CDH10: variants seen among roughly 807,000 people sequenced by gnomAD.
The protein encoded by CDH10 is cadherin 10.
Under a neutral mutation model 73.1 loss-of-function variants are expected in CDH10, and 30 were observed. That is an observed-to-expected ratio of 0.41 (90% CI 0.31 to 0.56). The LOEUF is 0.56. Among genes scored for constraint, CDH10 ranks in the 20% least tolerant of loss-of-function variants. The pLI is 0.27. For synonymous variants in CDH10, 345 were observed against 348.2 expected (o/e 0.99, Z 0.10); for missense variants, 815 against 973.7 (o/e 0.84, Z 2.17).
At chr5:24,531,328 T>C (rs1455987557) in intron 5 of CDH10, among the ~76,000 whole-genome samples, 1 of 152,104 alleles carries the variant, frequency 6.6e-6, no homozygotes. Context: ...TTGTCTCCCC[T>C]GCTTTAATGA....
intron 5 of CDH10, among the ~76,000 whole-genome samples, chr5:24,518,330 T>C (rs908106741): frequency 1.3e-5 from 2 of 152,044 alleles, no homozygotes; most frequent in Admixed American, 6.6e-5. Flanking sequence ...TACCCTAAAA[T>C]ATAGAACAAC....
chr5:24,498,359 T>G (rs756646914), intron 9 of CDH10, 39 bp downstream of exon 9: 1 of 1,463,270 alleles, frequency 6.8e-7, no homozygotes, highest in Non-Finnish European at 9.4e-7. Context: ...TTGCATACAG[T>G]TAAAATCTTT....
chr5:24,604,871 T>TAAA (rs71576696), intron 1 of CDH10, among the ~76,000 whole-genome samples: 1 of 116,332 alleles, frequency 8.6e-6, no homozygotes, highest in Admixed American at 7.7e-5. Context: ...AAGATGTCTC[T>TAAA]AAAAAAAAAA....
intron 1 of CDH10, among the ~76,000 whole-genome samples, chr5:24,622,237 A>G (rs1747341800): frequency 1.2e-5 from 1 of 83,990 alleles, no homozygotes; most frequent in Non-Finnish European, 2.3e-5. Context: ...CTTTGACAAA[A>G]CATATTAATT....
At chr5:24,497,093 G>T (rs1259873707) in intron 9 of CDH10, among the ~76,000 whole-genome samples, 1 of 151,960 alleles carries the variant, frequency 6.6e-6, no homozygotes, top group Non-Finnish European at 1.5e-5. Flanking sequence ...TGTCCAAAAG[G>T]TATGGAGACG....
At chr5:24,574,407 C>CA (rs1340157438) in intron 2 of CDH10, among the ~76,000 whole-genome samples, 2 of 151,962 alleles carry the variant, frequency 1.3e-5, no homozygotes, top group Admixed American at 1.3e-4. Flanking sequence ...TGACATTTTA[C>CA]AAAAATGGAT....
At chr5:24,638,066 T>C (rs1198770452) in intron 1 of CDH10, among the ~76,000 whole-genome samples, 1 of 151,766 alleles carries the variant, frequency 6.6e-6, no homozygotes, top group African/African-American at 2.4e-5. Context: ...TTTCATACTC[T>C]ATATGATGGC....
chr5:24,539,948 A>T (rs923609445), intron 2 of CDH10, among the ~76,000 whole-genome samples: 2 of 152,090 alleles, frequency 1.3e-5, no homozygotes, highest in African/African-American at 4.8e-5. Context: ...AAAATTATTG[A>T]TATTATCACT....
intron 2 of CDH10, among the ~76,000 whole-genome samples, chr5:24,586,883 C>T (rs1168052816): frequency 2.8e-5 from 3 of 106,826 alleles, no homozygotes; most frequent in Non-Finnish European, 5.8e-5. Flanking sequence ...CTCGCTCTGT[C>T]GCCCAGGCTG....
At chr5:24,558,670 T>C (rs1744852264) in intron 2 of CDH10, among the ~76,000 whole-genome samples, 1 of 145,620 alleles carries the variant, frequency 6.9e-6, no homozygotes, top group Non-Finnish European at 1.5e-5. Flanking sequence ...GAAATGAAGA[T>C]ATCTGCATAT....
At chr5:24,503,442 A>G (rs1293147423) in intron 8 of CDH10, among the ~76,000 whole-genome samples, 2 of 152,184 alleles carry the variant, frequency 1.3e-5, no homozygotes, top group African/African-American at 4.8e-5. Context: ...AAGCAGTTCC[A>G]CAGGGCCTTA....
At chr5:24,574,182 G>A (rs938053273) in intron 2 of CDH10, among the ~76,000 whole-genome samples, 6 of 152,034 alleles carry the variant, frequency 3.9e-5, no homozygotes, top group African/African-American at 1.4e-4. Context: ...CACTGCGCCC[G>A]GCCTATCATA....
chr5:24,582,848 G>C (rs1385968567), intron 2 of CDH10, among the ~76,000 whole-genome samples: 2 of 152,058 alleles, frequency 1.3e-5, no homozygotes, highest in Non-Finnish European at 2.9e-5. Context: ...AAATGATAAT[G>C]GTGATACAGT....
At chr5:24,542,777 C>T (rs1395023) in intron 2 of CDH10, among the ~76,000 whole-genome samples, 54,639 of 152,012 alleles carry the variant, frequency 0.36, 12,005 homozygotes, top group East Asian at 0.58. Context: ...ATAGATGATA[C>T]CTTCTGGCTG....
At chr5:24,547,970 A>C (rs908761767) in intron 2 of CDH10, among the ~76,000 whole-genome samples, 2 of 152,176 alleles carry the variant, frequency 1.3e-5, no homozygotes, top group African/African-American at 4.8e-5. Context: ...AAAGCAAACA[A>C]ATGTTAAGAA....
intron 4 of CDH10, 29 bp downstream of exon 4, chr5:24,535,674 T>G: frequency 1.3e-6 from 2 of 1,592,212 alleles, no homozygotes; most frequent in African/African-American, 2.7e-5. Flanking sequence ...GATGATCAAA[T>G]GAACAAACAG....
rs1325989752 is a variant in CDH10 at position 24,535,733 on chromosome 5, G to C, written c.616C>G (p.Gln206Glu). ...TCAGGCTCCACAGAGAAATAGGGCT[G>C]CCCTTGAAGTATGCTGTAAATGACT... The part of the protein sequence containing the change: ...ARVIYSILQG[Q>E]PYFSVEPETG... Residue 206 changes from glutamine (Q) to glutamate (E), a missense_variant, in exon 4 of 12, where the codon CAG (glutamine) becomes GAG (glutamate). Gln to Glu is a conservative substitution (Grantham distance 29, BLOSUM62 2). This residue lies in a region of CDH10 where 516 missense variants were observed against 636.6 expected (regional missense o/e 0.81). Transcript: ENST00000264463. 6.2e-7 allele frequency: 1 copy of C among 1,611,574 alleles called. No individual in the cohort carries two copies. Among genetic ancestry groups the C allele is most frequent in the Non-Finnish European group, 8.5e-7 (1 of 1,178,352 alleles).
At chr5:24,521,944 G>A (rs1743347181) in intron 5 of CDH10, among the ~76,000 whole-genome samples, 1 of 152,026 alleles carries the variant, frequency 6.6e-6, no homozygotes. Context: ...GACCAGCCTG[G>A]CCAATATGGT....
chr5:24,552,131 ATC>A (rs1744568555), intron 2 of CDH10, among the ~76,000 whole-genome samples: 1 of 152,070 alleles, frequency 6.6e-6, no homozygotes, highest in South Asian at 2.1e-4. Flanking sequence ...ATATACATAT[ATC>A]TCCATTTATT....
Sources: gnomAD v4.1 joint callset for allele counts (sites outside exome capture counted in the v4.1 genomes callset) on GRCh38, gnomAD v4.1.1 for gene constraint, gnomAD v4.1.1 regional missense constraint, MANE v1.5 for transcripts, NCBI Gene and HGNC (gene_info 2026-07-23, HGNC 2026-07-21) for gene names.